The following ZNF385B variants were observed in gnomAD, a reference collection of about 807,000 sequenced individuals.
ZNF385B encodes zinc finger protein 385B.
A neutral mutation model predicts 39.2 loss-of-function variants in ZNF385B; 23 were observed. That is an observed-to-expected ratio of 0.59 (90% confidence interval 0.42 to 0.83). The LOEUF (loss-of-function observed/expected upper bound fraction) is 0.83, where lower values mean the gene tolerates loss of function less well. Among genes scored for constraint, ZNF385B ranks in the 40% least tolerant of loss-of-function variants. The pLI is 0.00. For missense variants in ZNF385B, 552 were observed against 598.9 expected, an observed-to-expected ratio of 0.92 and a Z score of 0.82; for synonymous variants, 205 against 222.6, an observed-to-expected ratio of 0.92 and a Z score of 0.70.
chr2:179,443,183 T>C lies in ZNF385B; in HGVS notation c.*67A>G. 1 of 1,588,180 alleles carries C rather than the reference T, an allele frequency of 6.3e-7. No individual in the cohort carries two copies. The highest frequency in any genetic ancestry group is 8.6e-7 in the Non-Finnish European group (1 of 1,160,024). On this transcript the variant is annotated 3_prime_UTR_variant, in exon 10 of 10. Transcript: ENST00000410066. ...GTACTGCAACACAAACTGCTTAAAT[T>C]GCTGAATCCTTGTGGCTTTCTTTCT... is the stretch of plus-strand genomic sequence containing the variant.
At chr2:179,466,915 CAAAAAAAAAAAAAAAAA>C (rs777679885) in intron 6 of ZNF385B, among the ~76,000 whole-genome samples, 1 of 26,930 alleles carries the variant, frequency 3.7e-5, no homozygotes, top group African/African-American at 1.5e-4. Flanking sequence ...GCAAGACTGT[CAAAAAAAAAAAAAAAAA>C]AAAAAAAAAA....
intron 3 of ZNF385B, among the ~76,000 whole-genome samples, chr2:179,593,868 G>A (rs1687777289): frequency 6.6e-6 from 1 of 152,148 alleles, no homozygotes; most frequent in African/African-American, 2.4e-5. Context: ...AAGCTAAATG[G>A]TCACCTTAGT....
At chr2:179,634,493 C>G (rs1691546919) in intron 3 of ZNF385B, among the ~76,000 whole-genome samples, 1 of 152,124 alleles carries the variant, frequency 6.6e-6, no homozygotes, top group Admixed American at 6.5e-5. Context: ...CAAATGAAAA[C>G]CACAATGAGA....
intron 3 of ZNF385B, 66 bp from the exon 4 acceptor site, chr2:179,545,035 A>C: frequency 6.2e-7 from 1 of 1,606,552 alleles, no homozygotes; most frequent in Non-Finnish European, 8.5e-7. Context: ...CCAAACCTAC[A>C]GTGCAAGAAC....
Position 179,470,484 on chromosome 2 carries a change from G to GCCC in ZNF385B, c.715+12785_715+12787dup, listed in dbSNP as rs3054058. 8.6e-5 allele frequency among the ~76,000 whole-genome samples: 13 copies of GCCC among 151,816 alleles called. No homozygotes were observed. The Middle Eastern group carries it at 0.01, about 119-fold the overall frequency. On this transcript the variant is annotated intron_variant, in intron 6 of 9. Coordinates refer to ENST00000410066, the MANE Select transcript of ZNF385B (RefSeq NM_152520.6). ...TGATTTTCCTTTGTGATATGGTTTG[G>GCCC]CCCCCCCGGGCTATGGTGCAAGAAG... is the stretch of plus-strand genomic sequence containing the variant.
intron 6 of ZNF385B, among the ~76,000 whole-genome samples, chr2:179,472,272 A>T (rs2105526043): frequency 6.6e-6 from 1 of 152,360 alleles, no homozygotes; most frequent in East Asian, 1.9e-4. Context: ...TAGTCAAAGG[A>T]TTGGGTAAAA....
intron 1 of ZNF385B, among the ~76,000 whole-genome samples, chr2:179,840,084 C>CA (rs1274967732): frequency 6.6e-6 from 1 of 152,228 alleles, no homozygotes; most frequent in Non-Finnish European, 1.5e-5. Flanking sequence ...AAGATACCTG[C>CA]ATAGGCAGAG....
At position 179,685,274 on chromosome 2, in the gene ZNF385B, T is replaced by A. The variant is rs1276574280; in HGVS notation, c.298+84229A>T. 2.0e-5 allele frequency among the ~76,000 whole-genome samples: 3 copies of A among 152,146 alleles called. No homozygotes were observed. In the East Asian group the frequency reaches 5.8e-4, roughly 29 times the overall value. On this transcript the variant is annotated intron_variant, in intron 3 of 9. Coordinates refer to ENST00000410066, the MANE Select transcript of ZNF385B (RefSeq NM_152520.6). ...AATAGCCACTGGCAAAACCCATAAC[T>A]CTACTACTGAAACAATGAGATCTAT...
intron 6 of ZNF385B, among the ~76,000 whole-genome samples, chr2:179,450,068 G>T (rs955924638): frequency 2.6e-5 from 4 of 151,960 alleles, no homozygotes; most frequent in Non-Finnish European, 4.4e-5. Flanking sequence ...GCTGAAACTG[G>T]ATCCCTTCCT....
intron 3 of ZNF385B, among the ~76,000 whole-genome samples, chr2:179,724,798 A>G (rs1288610801): frequency 6.6e-6 from 1 of 152,194 alleles, no homozygotes; most frequent in Admixed American, 6.5e-5. Flanking sequence ...TGTTCTCTAG[A>G]CAGTAAGCTG....
At chr2:179,721,366 G>A (rs1320378761) in intron 3 of ZNF385B, among the ~76,000 whole-genome samples, 1 of 152,088 alleles carries the variant, frequency 6.6e-6, no homozygotes, top group Non-Finnish European at 1.5e-5. Context: ...AATCATTTAT[G>A]TAAGATTGGT....
chr2:179,753,691 T>G (rs1213138444), intron 3 of ZNF385B, among the ~76,000 whole-genome samples: 2 of 152,206 alleles, frequency 1.3e-5, no homozygotes, highest in Non-Finnish European at 2.9e-5. Context: ...TTATTTTCTT[T>G]GAAGCAATTG....
intron 3 of ZNF385B, among the ~76,000 whole-genome samples, chr2:179,711,769 A>G (rs140943353): frequency 6.6e-6 from 1 of 152,260 alleles, no homozygotes; most frequent in Non-Finnish European, 1.5e-5. Flanking sequence ...ATTTTTTTAA[A>G]TAAGTGGTAG....
chr2:179,587,441 A>T (rs1687177810), intron 3 of ZNF385B, among the ~76,000 whole-genome samples: 1 of 152,202 alleles, frequency 6.6e-6, no homozygotes. Flanking sequence ...GACCATGACG[A>T]TAACTAGTTT....
chr2:179,535,913 A>C (rs1332428814), intron 4 of ZNF385B, among the ~76,000 whole-genome samples: 1 of 152,210 alleles, frequency 6.6e-6, no homozygotes, highest in African/African-American at 2.4e-5. Flanking sequence ...TGTGAGACTT[A>C]ATTCTAAACA....
At chr2:179,818,420 A>G (rs1707202719) in intron 1 of ZNF385B, among the ~76,000 whole-genome samples, 1 of 152,210 alleles carries the variant, frequency 6.6e-6, no homozygotes, top group African/African-American at 2.4e-5. Context: ...AAATAACCTG[A>G]TATAATTAAC....
chr2:179,665,759 T>C (rs1202720863), intron 3 of ZNF385B, among the ~76,000 whole-genome samples: 1 of 152,112 alleles, frequency 6.6e-6, no homozygotes, highest in Non-Finnish European at 1.5e-5. Flanking sequence ...TTTCCTAAAA[T>C]AGATGCTCAG....
At chr2:179,471,046 C>A (rs1452226593) in intron 6 of ZNF385B, among the ~76,000 whole-genome samples, 4 of 151,920 alleles carry the variant, frequency 2.6e-5, no homozygotes, top group Non-Finnish European at 4.4e-5. Flanking sequence ...CAGTTAAAAG[C>A]CTTAAAATGA....
intron 3 of ZNF385B, among the ~76,000 whole-genome samples, chr2:179,679,942 C>A (rs1033484701): frequency 5.3e-5 from 8 of 152,154 alleles, no homozygotes; most frequent in Non-Finnish European, 1.0e-4. Context: ...AGTGACTGTA[C>A]GTTAGTTTTG....
Sources: allele counts gnomAD v4.1 joint callset (sites outside exome capture counted in the v4.1 genomes callset), GRCh38; gene constraint gnomAD v4.1.1; transcripts MANE v1.5; gene names NCBI Gene and HGNC (gene_info 2026-07-23, HGNC 2026-07-21).